Variants in NVL observed in about 807,000 individuals in gnomAD.
The protein encoded by NVL is nuclear VCP like, also known as nuclear valosin-containing protein-like.
NVL carries 84 observed loss-of-function variants against 110.2 expected under a neutral mutation model. The ratio of observed to expected loss-of-function variants is 0.76; its 90% CI spans 0.64 to 0.91. The LOEUF (loss-of-function observed/expected upper bound fraction) is 0.91. Ranked by LOEUF, NVL falls within the 40% of genes least tolerant of loss-of-function variation. The pLI, the probability that NVL is intolerant of heterozygous loss-of-function variation, is 0.00. For synonymous variants in NVL, 354 were observed against 361.1 expected, an observed-to-expected ratio of 0.98 and a Z score of 0.22; for missense variants, 882 against 1,035.9, an observed-to-expected ratio of 0.85 and a Z score of 2.04.
chr1:224,283,727 G>A (rs1474786724), intron 15 of NVL, among the ~76,000 whole-genome samples: 2 of 152,168 alleles, frequency 1.3e-5, no homozygotes, highest in Non-Finnish European at 2.9e-5. Context: ...CATTGACCTG[G>A]AGAATTCACA....
chr1:224,259,266 T>C (rs1663669538), intron 18 of NVL, among the ~76,000 whole-genome samples: 1 of 152,018 alleles, frequency 6.6e-6, no homozygotes. Context: ...ATTTTGTATG[T>C]TTTTGGTAGA....
Position 224,236,524 on chromosome 1 carries a change from A to G in NVL, c.2348T>C (p.Leu783Pro). 6.2e-7 allele frequency: 1 copy of G among 1,613,784 alleles called. No individual in the cohort carries two copies. Among genetic ancestry groups the G allele is most frequent in the Non-Finnish European group, 8.5e-7 (1 of 1,179,644 alleles). Residue 783 changes from leucine (L) to proline (P), a missense_variant, in exon 20 of 23, where the codon CTT (leucine) becomes CCT (proline). Leu to Pro is a moderately conservative substitution (Grantham distance 98). This residue lies in a region of NVL where 126 missense variants were observed against 140.7 expected (regional missense o/e 0.90). Coordinates refer to ENST00000281701, the MANE Select transcript of NVL (RefSeq NM_002533.4). ...CACTTACGTATAGCAATCACAGCGA[A>G]GGTCACCAGCAATTGCTTCCAAATT... ...DVNLEAIAGD[L>P]RCDCYTGADL... is the part of the protein sequence containing the mutation.
At chr1:224,316,017 GA>G (rs2102759523) in intron 4 of NVL, among the ~76,000 whole-genome samples, 1 of 152,032 alleles carries the variant, frequency 6.6e-6, no homozygotes, top group East Asian at 1.9e-4. Flanking sequence ...AACATAGTGA[GA>G]CCCCCATTTC....
chr1:224,296,593 A>G lies in NVL; in HGVS notation c.1088T>C (p.Ile363Thr). 6.3e-7 allele frequency: 1 copy of G among 1,596,674 alleles called. No individual in the cohort carries two copies. The highest frequency in any genetic ancestry group is 8.5e-7 in the Non-Finnish European group (1 of 1,172,988). Residue 363 changes from isoleucine to threonine, a missense_variant, in exon 11 of 23, where the codon ATT becomes ACT. Around this residue, in one of 4 missense-constraint regions of NVL, gnomAD observed 416 missense variants for 499.3 expected, o/e 0.83. Transcript: ENST00000281701. Reference protein sequence around the residue: ...AVSNAPCIIFIDEIDAITPKR... With the variant: ...AVSNAPCIIFTDEIDAITPKR... ...GGGGGTAATAGCATCAATTTCATCA[A>G]TGAAAATGATACATGGTGCATTTGA...
At chr1:224,242,856 C>T (rs537616925) in intron 19 of NVL, among the ~76,000 whole-genome samples, 17 of 131,316 alleles carry the variant, frequency 1.3e-4, no homozygotes, top group African/African-American at 4.2e-4. Context: ...GACAGAGTTT[C>T]GTCCTGTTGC....
At chr1:224,254,323 C>T (rs1662896645) in intron 18 of NVL, among the ~76,000 whole-genome samples, 2 of 150,604 alleles carry the variant, frequency 1.3e-5, no homozygotes, top group South Asian at 2.1e-4. Context: ...GAACTCCTGA[C>T]CTCGTGATCC....
intron 11 of NVL, 42 bp from the exon 12 acceptor site, chr1:224,294,453 C>T: frequency 6.3e-7 from 1 of 1,595,862 alleles, no homozygotes; most frequent in Non-Finnish European, 8.6e-7. Flanking sequence ...AAGCACTTGA[C>T]ACTGACGGCA....
chr1:224,282,039 C>T (rs374646383), intron 15 of NVL, among the ~76,000 whole-genome samples: 14 of 148,088 alleles, frequency 9.5e-5, no homozygotes, highest in Non-Finnish European at 1.5e-4. Flanking sequence ...AATGTGTTAA[C>T]GTACAACTTT....
intron 2 of NVL, among the ~76,000 whole-genome samples, chr1:224,321,125 G>A (rs1670602662): frequency 6.6e-6 from 1 of 152,020 alleles, no homozygotes; most frequent in African/African-American, 2.4e-5. Context: ...GGTGGCATGT[G>A]CCTTAGTTCC....
intron 19 of NVL, among the ~76,000 whole-genome samples, chr1:224,246,391 A>C (rs1051569083): frequency 6.6e-6 from 1 of 152,172 alleles, no homozygotes; most frequent in Non-Finnish European, 1.5e-5. Context: ...GGCAAATAGC[A>C]CTGAAATTCT....
At chr1:224,311,723 A>G (rs900778428) in intron 5 of NVL, 77 bp downstream of exon 5, 28 of 1,082,624 alleles carry the variant, frequency 2.6e-5, no homozygotes, top group African/African-American at 7.8e-5. Flanking sequence ...TCCAGCTAAT[A>G]CTGAGTTTTT....
intron 19 of NVL, among the ~76,000 whole-genome samples, chr1:224,240,781 T>C (rs1158743813): frequency 7.0e-6 from 1 of 143,268 alleles, no homozygotes; most frequent in Non-Finnish European, 1.5e-5. Context: ...TAACAAACTG[T>C]CCTTTTTTTT....
At chr1:224,260,577 G>A (rs140613932) in intron 18 of NVL, among the ~76,000 whole-genome samples, 1,669 of 152,174 alleles carry the variant, frequency 0.011, 17 homozygotes, top group Non-Finnish European at 0.014. Context: ...ATTATTAAAC[G>A]CTTAGAATGG....
chr1:224,276,150 A>T (rs1360858392), intron 16 of NVL, among the ~76,000 whole-genome samples: 1 of 152,242 alleles, frequency 6.6e-6, no homozygotes, highest in Non-Finnish European at 1.5e-5. Flanking sequence ...TAAAATGTCA[A>T]ACCAGATGAT....
At chr1:224,231,330 G>A (rs1276389092) in intron 21 of NVL, 34 bp from the exon 22 acceptor site, 3 of 1,526,034 alleles carry the variant, frequency 2.0e-6, no homozygotes, top group Non-Finnish European at 2.7e-6. Context: ...ACACATCTCA[G>A]TATCGTATGG....
intron 22 of NVL, 124 bp downstream of exon 22, chr1:224,231,102 C>T: frequency 1.6e-6 from 1 of 640,388 alleles, no homozygotes; most frequent in East Asian, 3.0e-5. Context: ...CACTGCACTC[C>T]AGCATGGACG....
At chr1:224,238,914 C>T (rs1447304038) in intron 19 of NVL, among the ~76,000 whole-genome samples, 6 of 152,184 alleles carry the variant, frequency 3.9e-5, no homozygotes, top group Admixed American at 6.5e-5. Flanking sequence ...TGTATCACCC[C>T]TATCCGGCTC....
intron 19 of NVL, among the ~76,000 whole-genome samples, chr1:224,239,899 C>T (rs1660970131): frequency 1.3e-5 from 2 of 151,856 alleles, no homozygotes; most frequent in Non-Finnish European, 2.9e-5. Context: ...TTGTGAGGAC[C>T]CAGAGGAGGA....
chr1:224,268,846 T>C (rs1664758994), intron 17 of NVL, among the ~76,000 whole-genome samples: 1 of 151,388 alleles, frequency 6.6e-6, no homozygotes, highest in South Asian at 2.1e-4. Context: ...TCAGTAGAGA[T>C]GCGGTTTCAC....
Sources: gnomAD v4.1 joint callset for allele counts (sites outside exome capture counted in the v4.1 genomes callset) on GRCh38, gnomAD v4.1.1 for gene constraint, gnomAD v4.1.1 regional missense constraint, MANE v1.5 for transcripts, NCBI Gene and HGNC (gene_info 2026-07-23, HGNC 2026-07-21) for gene names.